The following SRGAP1 variants were observed in gnomAD, a reference collection of about 807,000 sequenced individuals.
SRGAP1 encodes the protein SLIT-ROBO Rho GTPase activating protein 1, also known as SLIT-ROBO Rho GTPase-activating protein 1.
A neutral mutation model predicts 121.9 loss-of-function variants in SRGAP1; 43 were observed. The ratio of observed to expected loss-of-function variants is 0.35; its 90% confidence interval spans 0.28 to 0.46. The LOEUF is 0.46. Among genes scored for constraint, SRGAP1 ranks in the 20% least tolerant of loss-of-function variants. The pLI, the probability that SRGAP1 is intolerant of heterozygous loss-of-function variation, is 1.00. For synonymous variants in SRGAP1, 447 were observed against 485.4 expected (o/e 0.92, Z 1.04); for missense variants, 1,102 against 1,350.9 (o/e 0.82, Z 2.89).
intron 8 of SRGAP1, among the ~76,000 whole-genome samples, chr12:64,076,285 C>A (rs541938427): frequency 6.6e-6 from 1 of 152,106 alleles, no homozygotes; most frequent in Non-Finnish European, 1.5e-5. Context: ...TAGAGACACA[C>A]CCACAGGAAC....
chr12:63,964,904 T>C (rs1055502020), intron 1 of SRGAP1, among the ~76,000 whole-genome samples: 1 of 152,218 alleles, frequency 6.6e-6, no homozygotes, highest in African/African-American at 2.4e-5. Flanking sequence ...TCTGGATCCA[T>C]TGATCTCGCC....
At chr12:64,113,323 G>T (rs906550257) in intron 17 of SRGAP1, among the ~76,000 whole-genome samples, 2 of 152,032 alleles carry the variant, frequency 1.3e-5, no homozygotes, top group African/African-American at 4.8e-5. Context: ...CAGGGGAATT[G>T]CTCGAACATG....
chr12:63,901,867 TGTCG>T (rs2029948907), intron 1 of SRGAP1, among the ~76,000 whole-genome samples: 2 of 152,222 alleles, frequency 1.3e-5, no homozygotes, highest in African/African-American at 4.8e-5. Context: ...CCCTGTAGGT[TGTCG>T]AGTTTAATTT....
intron 6 of SRGAP1, among the ~76,000 whole-genome samples, chr12:64,060,212 T>TC (rs1216230946): frequency 6.7e-6 from 1 of 149,268 alleles, no homozygotes; most frequent in African/African-American, 2.5e-5. Context: ...TTTCTTTTTT[T>TC]TTTTTTTCCT....
intron 1 of SRGAP1, among the ~76,000 whole-genome samples, chr12:63,896,638 G>C (rs898663419): frequency 6.6e-6 from 1 of 152,238 alleles, no homozygotes; most frequent in South Asian, 2.1e-4. Context: ...CAATCATGTG[G>C]GAATGGAGTA....
intron 1 of SRGAP1, among the ~76,000 whole-genome samples, chr12:63,869,432 T>G (rs1314229324): frequency 6.6e-6 from 1 of 152,096 alleles, no homozygotes; most frequent in East Asian, 1.9e-4. Context: ...ACATGCTTTT[T>G]GGGGGACACA....
intron 7 of SRGAP1, 43 bp downstream of exon 7, chr12:64,063,181 C>T (rs1339359459): frequency 3.3e-6 from 5 of 1,503,582 alleles, no homozygotes; most frequent in Middle Eastern, 1.7e-4. Flanking sequence ...TGTCTCTTCA[C>T]TTATATTTCT....
intron 1 of SRGAP1, among the ~76,000 whole-genome samples, chr12:63,932,555 T>C (rs2031517492): frequency 6.6e-6 from 1 of 152,236 alleles, no homozygotes; most frequent in Non-Finnish European, 1.5e-5. Context: ...TTTTCATGAA[T>C]GAATGAATTC....
At chr12:64,022,557 C>A (rs567090164) in intron 4 of SRGAP1, among the ~76,000 whole-genome samples, 3 of 152,232 alleles carry the variant, frequency 2.0e-5, no homozygotes, top group African/African-American at 7.2e-5. Flanking sequence ...TCATGTTTGA[C>A]CAAATATCTG....
At chr12:63,888,399 T>C (rs1315745949) in intron 1 of SRGAP1, 1 of 152,236 alleles carries the variant, frequency 6.6e-6, no homozygotes, top group Non-Finnish European at 1.5e-5. Context: ...ATTAGCTCTT[T>C]CTTGCAGTAT....
intron 1 of SRGAP1, among the ~76,000 whole-genome samples, chr12:63,954,693 G>GAAAAA: frequency 1.0e-5 from 1 of 96,810 alleles, no homozygotes; most frequent in African/African-American, 3.7e-5. Flanking sequence ...AAAAAAAAAA[G>GAAAAA]AAAAGAAAAA....
intron 1 of SRGAP1, among the ~76,000 whole-genome samples, chr12:63,934,206 C>T (rs2031579623): frequency 6.6e-6 from 1 of 152,158 alleles, no homozygotes; most frequent in South Asian, 2.1e-4. Flanking sequence ...CAAGGCATGT[C>T]AACTCTCAGA....
intron 4 of SRGAP1, chr12:64,032,595 C>T (rs951427303): frequency 5.0e-5 from 31 of 617,420 alleles, no homozygotes; most frequent in Admixed American, 2.3e-4. Context: ...GTCCTGCCCC[C>T]GACAGCTGAC....
chr12:64,073,348 G>A (rs1437441778), intron 8 of SRGAP1, among the ~76,000 whole-genome samples: 1 of 152,186 alleles, frequency 6.6e-6, no homozygotes, highest in East Asian at 1.9e-4. Context: ...TGATAATGCT[G>A]CTGTCTCTGG....
chr12:64,152,911 TAAAAAAAAAAAAAA>T lies in SRGAP1; in HGVS notation c.*10251_*10264del, dbSNP rs57320190. On this transcript the variant is annotated 3_prime_UTR_variant, in exon 22 of 22. Coordinates refer to ENST00000355086, the MANE Select transcript of SRGAP1 (RefSeq NM_020762.4). Reference sequence around the variant, plus strand: ...ATGGAGTGTACTTCCTGGTATGATTTAAAAAAAAAAAAAAAAAAAAAAAAACCACTACATAAGCC... The same window carrying T: ...ATGGAGTGTACTTCCTGGTATGATTTAAAAAAAAAAACCACTACATAAGCC... 1.2e-4 allele frequency: 11 copies of T among 89,912 alleles called. No individual in the cohort carries two copies. The highest frequency in any genetic ancestry group is 1.9e-4 in the Non-Finnish European group (9 of 47,696). The allele number at this position is 89,912 out of a possible 1,614,324, so 5.6% of individuals were successfully genotyped here. A position where few individuals can be genotyped will look rare whatever the true frequency, so the allele number is the denominator to read the frequency against.
At chr12:63,914,164 C>T (rs1216904149) in intron 1 of SRGAP1, among the ~76,000 whole-genome samples, 1 of 152,080 alleles carries the variant, frequency 6.6e-6, no homozygotes, top group East Asian at 1.9e-4. Context: ...TGTGTTTTAT[C>T]CCTCAGTCAT....
At chr12:63,927,220 T>C (rs1467950547) in intron 1 of SRGAP1, among the ~76,000 whole-genome samples, 1 of 152,210 alleles carries the variant, frequency 6.6e-6, no homozygotes, top group Non-Finnish European at 1.5e-5. Flanking sequence ...TGGTCATCCA[T>C]TCCTATTCTA....
intron 1 of SRGAP1, among the ~76,000 whole-genome samples, chr12:63,881,769 G>A (rs1378089412): frequency 1.3e-5 from 2 of 152,014 alleles, no homozygotes; most frequent in African/African-American, 2.4e-5. Context: ...CTCTTATATG[G>A]GTAGAGTTCT....
chr12:63,937,384 T>C (rs2031699591), intron 1 of SRGAP1, among the ~76,000 whole-genome samples: 1 of 152,198 alleles, frequency 6.6e-6, no homozygotes, highest in Admixed American at 6.5e-5. Context: ...ATATATAATC[T>C]ACTATAGAAC....
Sources: allele counts gnomAD v4.1 joint callset (sites outside exome capture counted in the v4.1 genomes callset), GRCh38; gene constraint gnomAD v4.1.1; transcripts MANE v1.5; gene names NCBI Gene and HGNC (gene_info 2026-07-23, HGNC 2026-07-21).